Variants in CNTN6 observed in about 807,000 individuals in gnomAD.
CNTN6 encodes contactin 6, also known as contactin-6.
In CNTN6, 137 loss-of-function variants were observed where a neutral mutation model predicts 122.8. The ratio of observed to expected loss-of-function variants is 1.12; its 90% confidence interval spans 0.97 to 1.29. The LOEUF is 1.29. Among genes scored for constraint, CNTN6 ranks in the 50% most tolerant of loss-of-function variants. The pLI is 0.00. For missense variants in CNTN6, 1,634 were observed against 1,223.4 expected (o/e 1.34, Z -5.01); for synonymous variants, 570 against 426.0 (o/e 1.34, Z -4.16).
At chr3:1,308,613 T>A (rs1156827938) in intron 7 of CNTN6, among the ~76,000 whole-genome samples, 3 of 151,868 alleles carry the variant, frequency 2.0e-5, no homozygotes, top group African/African-American at 7.3e-5. Context: ...TATGTTAAAT[T>A]AAACATATGA....
Position 1,401,432 on chromosome 3 carries a change from G to A in CNTN6, c.2705-1G>A. 1 of 1,610,578 alleles carries A rather than the reference G, an allele frequency of 6.2e-7. No homozygotes were observed. The highest frequency in any genetic ancestry group is 8.5e-7 in the Non-Finnish European group (1 of 1,177,612). ...TTGGATCTTTGATTATCTCTTTAAAGCTCCAAGCCAACCACCAGCAAACAT... is the reference window on the plus strand; with the variant it reads ...TTGGATCTTTGATTATCTCTTTAAAACTCCAAGCCAACCACCAGCAAACAT... On this transcript the variant is annotated splice_acceptor_variant, in intron 20 of 22. Transcript: ENST00000446702. LOFTEE classifies it high-confidence loss of function.
chr3:1,290,813 G>C (rs139061135), intron 5 of CNTN6, among the ~76,000 whole-genome samples: 418 of 152,292 alleles, frequency 2.7e-3, no homozygotes, highest in African/African-American at 9.2e-3. Context: ...GCTAATGGGA[G>C]TGTAGCAGTG....
At chr3:1,171,447 A>G (rs373040807) in intron 2 of CNTN6, among the ~76,000 whole-genome samples, 211 of 152,314 alleles carry the variant, frequency 1.4e-3, no homozygotes, top group African/African-American at 4.7e-3. Flanking sequence ...CATATTTTGA[A>G]CCAAATAATT....
intron 2 of CNTN6, among the ~76,000 whole-genome samples, chr3:1,167,372 T>C (rs2093275322): frequency 6.6e-6 from 1 of 152,186 alleles, no homozygotes; most frequent in Non-Finnish European, 1.5e-5. Context: ...CCTTTTCACC[T>C]AGATGACGTA....
chr3:1,301,010 C>T (rs1575610618), intron 7 of CNTN6, among the ~76,000 whole-genome samples: 1 of 139,770 alleles, frequency 7.2e-6, no homozygotes, highest in Admixed American at 7.2e-5. Context: ...ATTTATAATA[C>T]AGGAGTCCCT....
intron 12 of CNTN6, among the ~76,000 whole-genome samples, chr3:1,366,748 A>G (rs1384355171): frequency 1.3e-5 from 2 of 152,160 alleles, no homozygotes; most frequent in Non-Finnish European, 2.9e-5. Context: ...TTAGACAGCC[A>G]TCTGCACAGG....
At chr3:1,133,270 A>G (rs2092386884) in intron 1 of CNTN6, among the ~76,000 whole-genome samples, 1 of 152,194 alleles carries the variant, frequency 6.6e-6, no homozygotes, top group Non-Finnish European at 1.5e-5. Flanking sequence ...GGACCAACAT[A>G]AACAAAGATA....
chr3:1,387,314 G>C (rs1270584022), intron 20 of CNTN6, among the ~76,000 whole-genome samples: 2 of 152,038 alleles, frequency 1.3e-5, no homozygotes, highest in Non-Finnish European at 2.9e-5. Context: ...TTCAAGAATG[G>C]ATTAGTTAAC....
chr3:1,135,345 A>C (rs1361966088), intron 1 of CNTN6, among the ~76,000 whole-genome samples: 1 of 152,196 alleles, frequency 6.6e-6, no homozygotes, highest in Non-Finnish European at 1.5e-5. Flanking sequence ...ATGGGAGCAC[A>C]TATCAGGGGA....
intron 2 of CNTN6, among the ~76,000 whole-genome samples, chr3:1,210,807 A>T (rs1441226871): frequency 6.6e-6 from 1 of 152,226 alleles, no homozygotes; most frequent in Admixed American, 6.5e-5. Flanking sequence ...AGGCAGAAAA[A>T]AATTGCCATT....
chr3:1,239,129 C>A (rs1317733656), intron 4 of CNTN6, among the ~76,000 whole-genome samples: 1 of 152,156 alleles, frequency 6.6e-6, no homozygotes, highest in Non-Finnish European at 1.5e-5. Context: ...TGCCCACTTT[C>A]ACTCCTTCTA....
chr3:1,130,902 T>G (rs1261678878), intron 1 of CNTN6, among the ~76,000 whole-genome samples: 6 of 152,152 alleles, frequency 3.9e-5, no homozygotes, highest in African/African-American at 1.4e-4. Context: ...GTCCATCATT[T>G]ATAAATTAAG....
chr3:1,254,658 T>A (rs971939655), intron 4 of CNTN6, among the ~76,000 whole-genome samples: 1 of 152,062 alleles, frequency 6.6e-6, no homozygotes, highest in Non-Finnish European at 1.5e-5. Flanking sequence ...ATGTACAGCA[T>A]AAAAAATGTA....
At chr3:1,233,691 T>C (rs1436908556) in intron 4 of CNTN6, among the ~76,000 whole-genome samples, 2 of 125,066 alleles carry the variant, frequency 1.6e-5, no homozygotes, top group African/African-American at 6.3e-5. Context: ...GCTGAGATCG[T>C]GCCAGTACAC....
chr3:1,327,432 C>T (rs368969230), intron 9 of CNTN6, 25 bp from the exon 10 acceptor site: 9 of 1,604,806 alleles, frequency 5.6e-6, no homozygotes, highest in South Asian at 3.3e-5. Flanking sequence ...GTACAAGCAT[C>T]TTTATATGCC....
chr3:1,229,126 T>A (rs2125557414), intron 4 of CNTN6, among the ~76,000 whole-genome samples: 1 of 152,294 alleles, frequency 6.6e-6, no homozygotes, highest in South Asian at 2.1e-4. Flanking sequence ...AAGTAAGAAG[T>A]GAACGTGGAA....
At chr3:1,319,820 TAAAC>T (rs1462944167) in intron 7 of CNTN6, among the ~76,000 whole-genome samples, 10 of 88,396 alleles carry the variant, frequency 1.1e-4, no homozygotes, top group South Asian at 6.9e-4. Context: ...AAACCAGAAA[TAAAC>T]AGAGAGCAGA....
chr3:1,373,056 G>A, intron 14 of CNTN6, 101 bp downstream of exon 14: 1 of 694,822 alleles, frequency 1.4e-6, no homozygotes. Flanking sequence ...TGTTATGGAA[G>A]TGAGATGTAA....
rs1211008614 is a variant in CNTN6 at position 1,098,789 on chromosome 3, C to CACACATAT, written c.-83+5670_-83+5671insCACATATA. Among the ~76,000 whole-genome samples, 142 of 63,226 alleles carry CACACATAT rather than the reference C, an allele frequency of 2.2e-3. 1 individual carries two copies. The highest frequency in any genetic ancestry group is 2.9e-3 in the Non-Finnish European group (106 of 36,580). 41.5% of individuals were successfully genotyped at this position (63,226 alleles called of 152,430 possible). ...ACACACACACACACACACACACACA[C>CACACATAT]ATATATATATATATATATATATATA... On this transcript the variant is annotated intron_variant, in intron 1 of 22. Transcript: ENST00000446702.
Sources: gnomAD v4.1 joint callset for allele counts (sites outside exome capture counted in the v4.1 genomes callset) on GRCh38, gnomAD v4.1.1 for gene constraint, MANE v1.5 for transcripts, NCBI Gene and HGNC (gene_info 2026-07-23, HGNC 2026-07-21) for gene names.